The following AFF3 variants were observed in gnomAD, a reference collection of about 807,000 sequenced individuals.
AFF3 encodes the protein ALF transcription elongation factor 3, also known as AF4/FMR2 family member 3.
AFF3 carries 32 observed loss-of-function variants against 129.7 expected under a neutral mutation model. The observed-to-expected ratio is 0.25, with a 90% CI of 0.19 to 0.33. The LOEUF is 0.33. Among genes scored for constraint, AFF3 ranks in the 10% least tolerant of loss-of-function variants. The probability of loss-of-function intolerance (pLI) is 1.00; values close to 1 mark genes in which losing one functional copy is unlikely to be tolerated. For missense variants in AFF3, 1,373 were observed against 1,592.0 expected (o/e 0.86, Z 2.34); for synonymous variants, 644 against 635.4 (o/e 1.01, Z -0.20).
chr2:100,126,373 T>C (rs904703648), intron 2 of AFF3, among the ~76,000 whole-genome samples: 1 of 152,208 alleles, frequency 6.6e-6, no homozygotes, highest in African/African-American at 2.4e-5. Context: ...TGTAAAGATA[T>C]GGGCTCTATT....
chr2:99,961,021 C>T (rs1402809318), intron 7 of AFF3, among the ~76,000 whole-genome samples: 1 of 152,214 alleles, frequency 6.6e-6, no homozygotes, highest in Admixed American at 6.5e-5. Context: ...TTTCTCAAAA[C>T]TGGAACTCAC....
intron 7 of AFF3, among the ~76,000 whole-genome samples, chr2:100,002,554 T>C (rs1319680592): frequency 1.3e-5 from 2 of 152,200 alleles, no homozygotes; most frequent in African/African-American, 2.4e-5. Flanking sequence ...TCTGTTCTTA[T>C]AGATGAATTA....
intron 11 of AFF3, among the ~76,000 whole-genome samples, chr2:99,716,415 A>G (rs1452742864): frequency 1.3e-5 from 2 of 152,116 alleles, no homozygotes; most frequent in African/African-American, 4.8e-5. Flanking sequence ...TAAGTTAATA[A>G]ACACAGGGAC....
At chr2:100,128,274 G>T (rs1370445157) in intron 2 of AFF3, among the ~76,000 whole-genome samples, 1 of 152,048 alleles carries the variant, frequency 6.6e-6, no homozygotes, top group South Asian at 2.1e-4. Context: ...CTGTGAACTC[G>T]CCCTGAATTC....
chr2:99,943,451 G>T (rs1025062206), intron 7 of AFF3, among the ~76,000 whole-genome samples: 4 of 152,168 alleles, frequency 2.6e-5, no homozygotes, highest in Admixed American at 6.5e-5. Flanking sequence ...ATCAACTTTA[G>T]AAGACTTCAG....
At chr2:99,909,978 T>C (rs1472292283) in intron 7 of AFF3, among the ~76,000 whole-genome samples, 1 of 152,094 alleles carries the variant, frequency 6.6e-6, no homozygotes, top group Non-Finnish European at 1.5e-5. Flanking sequence ...TGACATTATT[T>C]GGAGATAGGG....
chr2:100,061,742 C>G (rs573798004), intron 4 of AFF3, among the ~76,000 whole-genome samples: 1 of 151,882 alleles, frequency 6.6e-6, no homozygotes, highest in Non-Finnish European at 1.5e-5. Flanking sequence ...ATACCCCGAC[C>G]TACTCTGAGT....
At chr2:99,678,641 T>C (rs888705979) in intron 11 of AFF3, among the ~76,000 whole-genome samples, 1 of 152,262 alleles carries the variant, frequency 6.6e-6, no homozygotes, top group Non-Finnish European at 1.5e-5. Context: ...TTTTCAGATT[T>C]GTTTCTATAG....
intron 4 of AFF3, among the ~76,000 whole-genome samples, chr2:100,068,534 A>T (rs1687907441): frequency 6.6e-6 from 1 of 152,192 alleles, no homozygotes; most frequent in Admixed American, 6.6e-5. Flanking sequence ...TTCTTTAAAT[A>T]GCCCAAAGGC....
intron 13 of AFF3, among the ~76,000 whole-genome samples, chr2:99,625,310 C>A (rs1682438526): frequency 6.6e-6 from 1 of 152,132 alleles, no homozygotes; most frequent in African/African-American, 2.4e-5. Context: ...TTCAGATAAA[C>A]AATGAAAAAT....
chr2:100,138,214 G>A (rs1355702085), intron 1 of AFF3, among the ~76,000 whole-genome samples: 1 of 152,158 alleles, frequency 6.6e-6, no homozygotes, highest in African/African-American at 2.4e-5. Context: ...GAGATAGGCC[G>A]GAAGTCTAAT....
At chr2:100,000,422 A>T (rs1473653404) in intron 7 of AFF3, among the ~76,000 whole-genome samples, 1 of 152,170 alleles carries the variant, frequency 6.6e-6, no homozygotes, top group African/African-American at 2.4e-5. Flanking sequence ...AGGATTTGTG[A>T]TATTAATCCA....
chr2:99,713,664 G>A (rs898840206), intron 11 of AFF3, among the ~76,000 whole-genome samples: 31 of 151,868 alleles, frequency 2.0e-4, no homozygotes, highest in Non-Finnish European at 2.9e-4. Flanking sequence ...GGTGGGCCCT[G>A]GGCAATTAAA....
intron 7 of AFF3, among the ~76,000 whole-genome samples, chr2:99,865,442 A>G (rs1323439269): frequency 6.6e-6 from 1 of 152,232 alleles, no homozygotes; most frequent in South Asian, 2.1e-4. Flanking sequence ...TGCTTGGGTG[A>G]GCCACACAGA....
chr2:100,007,614 G>T, intron 5 of AFF3, 154 bp from the exon 6 acceptor site: 1 of 707,176 alleles, frequency 1.4e-6, no homozygotes, highest in Non-Finnish European at 2.3e-6. Context: ...CTCTGAAGAT[G>T]TCTGTCAGCA....
chr2:99,643,308 T>C (rs930546843), intron 13 of AFF3, among the ~76,000 whole-genome samples: 1 of 152,160 alleles, frequency 6.6e-6, no homozygotes, highest in Non-Finnish European at 1.5e-5. Context: ...TCCGCCCGCC[T>C]TGGCCTCCCA....
chr2:99,634,572 G>A (rs1232320263), intron 13 of AFF3, among the ~76,000 whole-genome samples: 3 of 152,160 alleles, frequency 2.0e-5, no homozygotes, highest in Non-Finnish European at 2.9e-5. Flanking sequence ...AGAGAAGGGA[G>A]CAAAATTTGT....
chr2:99,691,679 C>T (rs1300592760), intron 11 of AFF3, among the ~76,000 whole-genome samples: 1 of 152,194 alleles, frequency 6.6e-6, no homozygotes, highest in Non-Finnish European at 1.5e-5. Context: ...AGTTGTATCA[C>T]TTATCCTTCC....
chr2:99,996,905 G>A (rs1211341022), intron 7 of AFF3, among the ~76,000 whole-genome samples: 1 of 152,060 alleles, frequency 6.6e-6, no homozygotes, highest in Non-Finnish European at 1.5e-5. Flanking sequence ...AGGTGACACT[G>A]GTAATAACTC....
Sources: allele counts gnomAD v4.1 joint callset (sites outside exome capture counted in the v4.1 genomes callset), GRCh38; gene constraint gnomAD v4.1.1; transcripts MANE v1.5; gene names NCBI Gene and HGNC (gene_info 2026-07-23, HGNC 2026-07-21).